The following ASCC3 variants were observed in gnomAD, a reference collection of about 807,000 sequenced individuals.
The protein encoded by ASCC3 is activating signal cointegrator 1 complex subunit 3.
Under a neutral mutation model 256.3 loss-of-function variants are expected in ASCC3, and 158 were observed. That is an observed-to-expected ratio of 0.62 (90% confidence interval 0.54 to 0.70). The LOEUF (loss-of-function observed/expected upper bound fraction) is 0.70, where lower values mean the gene tolerates loss of function less well. ASCC3 is among the 30% of genes least tolerant of loss of function. The pLI is 0.00. For missense variants in ASCC3, 2,259 were observed against 2,626.0 expected (o/e 0.86, Z 3.05); for synonymous variants, 948 against 883.4 (o/e 1.07, Z -1.30).
At chr6:100,753,573 T>C (rs183688112) in intron 10 of ASCC3, among the ~76,000 whole-genome samples, 1 of 151,684 alleles carries the variant, frequency 6.6e-6, no homozygotes, top group Admixed American at 6.6e-5. Flanking sequence ...TAATCACAGA[T>C]ACAATTATAG....
intron 34 of ASCC3, among the ~76,000 whole-genome samples, chr6:100,590,784 G>T (rs1562145863): frequency 6.6e-6 from 1 of 152,080 alleles, no homozygotes; most frequent in Non-Finnish European, 1.5e-5. Flanking sequence ...GAGAGCAATA[G>T]AGAACACTAT....
rs186864934 is a variant in ASCC3 at position 100,642,898 on chromosome 6, T to C, written c.3733-149A>G. The C allele has an allele frequency of 1.6e-5, 13 of 825,474 alleles. No individual in the cohort carries two copies. In the East Asian group the frequency reaches 2.1e-4, roughly 14 times the overall value. The allele number at this position is 825,474 out of a possible 1,614,324, so 51.1% of individuals were successfully genotyped here. On this transcript the variant is annotated intron_variant, in intron 23 of 41. Transcript: ENST00000369162. ...AAATAGCTGAGATATTCGGAAACTT[T>C]AGAAAATTGTGCATGGTGCCCTTCT...
chr6:100,590,592 C>T (rs138322506), intron 34 of ASCC3, among the ~76,000 whole-genome samples: 78 of 152,214 alleles, frequency 5.1e-4, no homozygotes, highest in African/African-American at 1.8e-3. Context: ...TGCCCTACCT[C>T]CCTTTTCCCC....
chr6:100,636,296 G>A (rs2114878191), intron 25 of ASCC3, among the ~76,000 whole-genome samples: 1 of 152,086 alleles, frequency 6.6e-6, no homozygotes, highest in Non-Finnish European at 1.5e-5. Context: ...TATCGGTTAT[G>A]GTGATCTGTG....
intron 8 of ASCC3, among the ~76,000 whole-genome samples, chr6:100,769,407 C>G (rs1250391089): frequency 6.6e-6 from 1 of 151,694 alleles, no homozygotes; most frequent in Non-Finnish European, 1.5e-5. Flanking sequence ...CTTAAAGTGA[C>G]AGATATGCTA....
rs191738399 is a variant in ASCC3, at chr6:100,610,587, G to T, written c.4786-3499C>A. ...TTTTAATGACATACACATAAGAAATGTTATTTATCAACTTTCACTGAACTG... is the reference window on the plus strand; with the variant it reads ...TTTTAATGACATACACATAAGAAATTTTATTTATCAACTTTCACTGAACTG... On this transcript the variant is annotated intron_variant, in intron 30 of 41. Transcript: ENST00000369162. 2.7e-3 allele frequency among the ~76,000 whole-genome samples: 404 copies of T among 152,152 alleles called. 5 individuals carry two copies. The highest frequency in any genetic ancestry group is 8.9e-3 in the African/African-American group (369 of 41,512).
At chr6:100,688,865 G>T (rs534908535) in intron 13 of ASCC3, among the ~76,000 whole-genome samples, 1 of 152,250 alleles carries the variant, frequency 6.6e-6, no homozygotes, top group South Asian at 2.1e-4. Flanking sequence ...ATAGGAGGAA[G>T]TAACCAAAAA....
chr6:100,616,705 A>T (rs916854569), intron 30 of ASCC3, among the ~76,000 whole-genome samples: 2 of 152,196 alleles, frequency 1.3e-5, no homozygotes, highest in South Asian at 2.1e-4. Context: ...TAAAACATTC[A>T]TGGCAAAAGG....
chr6:100,556,132 C>A, intron 36 of ASCC3, among the ~76,000 whole-genome samples: 1 of 152,068 alleles, frequency 6.6e-6, no homozygotes, highest in East Asian at 1.9e-4. Flanking sequence ...CAAACTTAAA[C>A]AAAAAGAACC....
chr6:100,713,602 A>C (rs932521748), intron 13 of ASCC3, among the ~76,000 whole-genome samples: 5 of 152,176 alleles, frequency 3.3e-5, no homozygotes, highest in African/African-American at 1.2e-4. Context: ...TCATTGATTG[A>C]ATCAAATTAT....
At chr6:100,877,300 A>G (rs769214325) in intron 1 of ASCC3, among the ~76,000 whole-genome samples, 1 of 152,190 alleles carries the variant, frequency 6.6e-6, no homozygotes, top group Non-Finnish European at 1.5e-5. Context: ...ACTGACATGA[A>G]GGAGTAGGTT....
chr6:100,797,454 C>T (rs1362076682), intron 8 of ASCC3, among the ~76,000 whole-genome samples: 4 of 87,724 alleles, frequency 4.6e-5, no homozygotes, highest in East Asian at 3.5e-4. Flanking sequence ...GAGTGAAACT[C>T]GTTCTCAAAA....
At chr6:100,519,619 C>G (rs1774203995) in intron 37 of ASCC3, among the ~76,000 whole-genome samples, 1 of 151,998 alleles carries the variant, frequency 6.6e-6, no homozygotes, top group Non-Finnish European at 1.5e-5. Flanking sequence ...GTAATTATAC[C>G]TAATGCAGTA....
chr6:100,615,531 A>T (rs1468325103), intron 30 of ASCC3, among the ~76,000 whole-genome samples: 2 of 152,172 alleles, frequency 1.3e-5, no homozygotes, highest in Non-Finnish European at 2.9e-5. Flanking sequence ...CTGGGATAAT[A>T]AAAACTACCC....
chr6:100,571,443 C>T (rs1004404969), intron 36 of ASCC3, among the ~76,000 whole-genome samples: 2 of 152,108 alleles, frequency 1.3e-5, no homozygotes, highest in Admixed American at 1.3e-4. Flanking sequence ...TGTGTTTATT[C>T]TTGGCCAACT....
At chr6:100,651,026 A>G (rs1030372342) in intron 19 of ASCC3, among the ~76,000 whole-genome samples, 1 of 151,870 alleles carries the variant, frequency 6.6e-6, no homozygotes, top group African/African-American at 2.4e-5. Context: ...ATGAGATTTC[A>G]TATTTTATTT....
intron 2 of ASCC3, among the ~76,000 whole-genome samples, chr6:100,864,591 T>C (rs988337483): frequency 6.6e-6 from 1 of 152,180 alleles, no homozygotes; most frequent in African/African-American, 2.4e-5. Flanking sequence ...GCTTAGACTA[T>C]AGTGTATATA....
intron 30 of ASCC3, among the ~76,000 whole-genome samples, chr6:100,612,339 T>C (rs1277397016): frequency 6.6e-6 from 1 of 151,988 alleles, no homozygotes; most frequent in Admixed American, 6.6e-5. Flanking sequence ...CCCAATTCTG[T>C]CCTTTTGAAT....
At chr6:100,769,251 G>T (rs1781804664) in intron 8 of ASCC3, among the ~76,000 whole-genome samples, 1 of 152,004 alleles carries the variant, frequency 6.6e-6, no homozygotes, top group Non-Finnish European at 1.5e-5. Flanking sequence ...GGAAAGGTTG[G>T]TCAATGAGTT....
Sources: gnomAD v4.1 joint callset for allele counts (sites outside exome capture counted in the v4.1 genomes callset) on GRCh38, gnomAD v4.1.1 for gene constraint, MANE v1.5 for transcripts, NCBI Gene and HGNC (gene_info 2026-07-23, HGNC 2026-07-21) for gene names.